The following LINGO2 variants were observed in gnomAD, a reference collection of about 807,000 sequenced individuals.
LINGO2 encodes the protein leucine-rich repeat and immunoglobulin-like domain-containing nogo receptor-interacting protein 2.
In LINGO2, 14 loss-of-function variants were observed where a neutral mutation model predicts 30.6. The observed-to-expected ratio is 0.46, with a 90% CI of 0.30 to 0.72. LINGO2 has a LOEUF of 0.72. Among genes scored for constraint, LINGO2 ranks in the 30% least tolerant of loss-of-function variants. The pLI is 0.07. For synonymous variants in LINGO2, 317 were observed against 288.5 expected (o/e 1.10, Z -1.00); for missense variants, 729 against 751.7 (o/e 0.97, Z 0.35).
At chr9:28,980,052 C>G in the LINGO2 span, among the ~76,000 whole-genome samples, 2 of 152,234 alleles carry the variant, frequency 1.3e-5, no homozygotes, top group South Asian at 4.1e-4. Flanking sequence ...TTTGCTCCTC[C>G]CAACCCAGTC....
Position 28,208,007 on chromosome 9 carries a change from A to G in LINGO2, c.-87+87201T>C, listed in dbSNP as rs576777710. The stretch of plus-strand genomic sequence containing the variant: ...TTTTTGGCTTATGTGAATATTACCA[A>G]TGGCACCTAATTTCCATGCCCATCT... On this transcript the variant is annotated intron_variant, in intron 4 of 5. Coordinates refer to ENST00000379992, the Ensembl canonical transcript of LINGO2. Among the ~76,000 whole-genome samples, 3 of 152,184 alleles carry G rather than the reference A, an allele frequency of 2.0e-5. No individual in the cohort carries two copies. In the South Asian group the frequency reaches 6.2e-4, roughly 32 times the overall value.
At chr9:28,954,395 G>A in the LINGO2 span, among the ~76,000 whole-genome samples, 2 of 152,026 alleles carry the variant, frequency 1.3e-5, no homozygotes, top group African/African-American at 4.8e-5. Flanking sequence ...ATATTAAGAT[G>A]GTGTTTATTC....
intron 4 of LINGO2, among the ~76,000 whole-genome samples, chr9:28,071,891 A>G (rs1384166654): frequency 6.6e-6 from 1 of 152,194 alleles, no homozygotes; most frequent in Non-Finnish European, 1.5e-5. Context: ...AAGACACTTC[A>G]CCAATGAAAT....
chr9:28,427,749 T>C (rs1446795580), intron 2 of LINGO2, among the ~76,000 whole-genome samples: 2 of 152,142 alleles, frequency 1.3e-5, no homozygotes, highest in Non-Finnish European at 2.9e-5. Flanking sequence ...AGGTATTCCT[T>C]TGTGTTATGC....
At chr9:29,195,009 T>C in the LINGO2 span, among the ~76,000 whole-genome samples, 1 of 152,134 alleles carries the variant, frequency 6.6e-6, no homozygotes, top group Non-Finnish European at 1.5e-5. Flanking sequence ...GGAATGTTTG[T>C]GCTGTCTATT....
the LINGO2 span, chr9:28,889,008 T>G: frequency 2.1e-6 from 1 of 484,078 alleles, no homozygotes; most frequent in Admixed American, 2.1e-5. Flanking sequence ...TCATATTTCC[T>G]CCATTTCAAG....
chr9:28,144,627 A>G (rs1186093997), intron 4 of LINGO2, among the ~76,000 whole-genome samples: 1 of 152,210 alleles, frequency 6.6e-6, no homozygotes, highest in Non-Finnish European at 1.5e-5. Flanking sequence ...GTTCCCTAAG[A>G]AAGAGTTGAA....
intron 1 of LINGO2, among the ~76,000 whole-genome samples, chr9:28,532,838 C>A (rs1821287205): frequency 6.6e-6 from 1 of 151,964 alleles, no homozygotes; most frequent in South Asian, 2.1e-4. Context: ...ATTGGGTTTT[C>A]TTTTCTATTA....
At chr9:28,611,349 TTGTGTGTG>T (rs34606835) in intron 1 of LINGO2, among the ~76,000 whole-genome samples, 12 of 149,348 alleles carry the variant, frequency 8.0e-5, no homozygotes, top group Non-Finnish European at 1.6e-4. Flanking sequence ...ATGTTAACAT[TTGTGTGTG>T]TGTGTGTGTG....
chr9:28,797,117 A>T, the LINGO2 span, among the ~76,000 whole-genome samples: 2 of 151,496 alleles, frequency 1.3e-5, no homozygotes, highest in Non-Finnish European at 2.9e-5. Flanking sequence ...TAGGGAGAGA[A>T]ATTTAAAATT....
chr9:28,029,652 T>TA (rs1178220594), intron 4 of LINGO2, among the ~76,000 whole-genome samples: 27 of 152,208 alleles, frequency 1.8e-4, no homozygotes, highest in African/African-American at 4.6e-4. Flanking sequence ...CTGATACGTT[T>TA]AAGAATTTAT....
intron 4 of LINGO2, among the ~76,000 whole-genome samples, chr9:28,215,223 C>T (rs912839616): frequency 1.3e-5 from 2 of 151,732 alleles, no homozygotes; most frequent in African/African-American, 4.8e-5. Flanking sequence ...ATAACATTCT[C>T]CTTTAGAATT....
chr9:28,078,300 G>A (rs910349244), intron 4 of LINGO2, among the ~76,000 whole-genome samples: 5 of 148,944 alleles, frequency 3.4e-5, no homozygotes, highest in Non-Finnish European at 7.3e-5. Context: ...AGGATGTGCA[G>A]TTTAGTTTGC....
At chr9:28,893,317 T>C in the LINGO2 span, among the ~76,000 whole-genome samples, 1 of 152,044 alleles carries the variant, frequency 6.6e-6, no homozygotes, top group Non-Finnish European at 1.5e-5. Flanking sequence ...TCAGGACATC[T>C]GACTATTTTT....
At chr9:28,536,465 A>G (rs958225646) in intron 1 of LINGO2, among the ~76,000 whole-genome samples, 1 of 152,096 alleles carries the variant, frequency 6.6e-6, no homozygotes, top group African/African-American at 2.4e-5. Context: ...TACATCTACT[A>G]CTGCTGAGTA....
intron 4 of LINGO2, among the ~76,000 whole-genome samples, chr9:28,292,440 T>G (rs1454173807): frequency 2.6e-5 from 4 of 152,170 alleles, no homozygotes; most frequent in Non-Finnish European, 5.9e-5. Context: ...ATATTTTGTG[T>G]AATATCAATT....
At chr9:29,043,581 A>G in the LINGO2 span, among the ~76,000 whole-genome samples, 2 of 152,026 alleles carry the variant, frequency 1.3e-5, no homozygotes, top group African/African-American at 2.4e-5. Context: ...ATTTCTGGTT[A>G]TAGGCATGCA....
intron 1 of LINGO2, among the ~76,000 whole-genome samples, chr9:28,519,472 A>G (rs2135394328): frequency 6.6e-6 from 1 of 152,318 alleles, no homozygotes; most frequent in Admixed American, 6.5e-5. Flanking sequence ...AGCTATATAT[A>G]GCTTTTAGAT....
At chr9:28,989,981 T>C in the LINGO2 span, among the ~76,000 whole-genome samples, 1 of 152,066 alleles carries the variant, frequency 6.6e-6, no homozygotes, top group Non-Finnish European at 1.5e-5. Context: ...AGACGGCTGA[T>C]TTCTGCATTT....
Sources: allele counts gnomAD v4.1 joint callset (sites outside exome capture counted in the v4.1 genomes callset), GRCh38; gene constraint gnomAD v4.1.1; transcripts MANE v1.5; gene names NCBI Gene and HGNC (gene_info 2026-07-23, HGNC 2026-07-21).